TECRL: variants seen among roughly 807,000 people sequenced by gnomAD.
TECRL encodes the protein trans-2,3-enoyl-CoA reductase-like.
TECRL carries 63 observed loss-of-function variants against 52.8 expected under a neutral mutation model. The observed-to-expected ratio is 1.19, with a 90% CI of 0.97 to 1.47. The LOEUF (loss-of-function observed/expected upper bound fraction) is 1.47, where lower values mean the gene tolerates loss of function less well. TECRL is among the 40% of genes most tolerant of loss of function. The pLI is 0.00. For missense variants in TECRL, 482 were observed against 429.6 expected (o/e 1.12, Z -1.08); for synonymous variants, 164 against 141.9 (o/e 1.16, Z -1.10).
chr4:64,322,874 T>C, intron 3 of TECRL, 82 bp from the exon 4 acceptor site: 1 of 981,534 alleles, frequency 1.0e-6, no homozygotes, highest in South Asian at 1.9e-5. Context: ...GTAAAATCAG[T>C]AAAAGCTAAA....
intron 2 of TECRL, among the ~76,000 whole-genome samples, chr4:64,340,056 GAT>G (rs1719443234): frequency 1.3e-5 from 2 of 152,144 alleles, no homozygotes; most frequent in African/African-American, 4.8e-5. Flanking sequence ...TCTATACAGA[GAT>G]AATTTTCCTG....
At chr4:64,348,068 C>G (rs1019716147) in intron 2 of TECRL, among the ~76,000 whole-genome samples, 12 of 152,110 alleles carry the variant, frequency 7.9e-5, no homozygotes, top group African/African-American at 2.9e-4. Flanking sequence ...CAGTGCCCCA[C>G]TCCGGGTACC....
At chr4:64,371,383 CAATT>C (rs1309910016) in intron 2 of TECRL, among the ~76,000 whole-genome samples, 7 of 150,542 alleles carry the variant, frequency 4.6e-5, no homozygotes, top group South Asian at 2.1e-4. Flanking sequence ...TTATAATAAA[CAATT>C]AAATAATAAA....
At chr4:64,409,061 T>C (rs1296694142) in intron 1 of TECRL, 57 bp downstream of exon 1, 2 of 1,367,148 alleles carry the variant, frequency 1.5e-6, no homozygotes, top group East Asian at 5.0e-5. Flanking sequence ...CAATAATATT[T>C]GGGGCAGAGA....
intron 1 of TECRL, among the ~76,000 whole-genome samples, chr4:64,394,739 G>A (rs1291088814): frequency 6.6e-6 from 1 of 151,944 alleles, no homozygotes. Flanking sequence ...AAATTTATTG[G>A]GCATTTACTG....
chr4:64,402,860 A>G (rs182897932), intron 1 of TECRL, among the ~76,000 whole-genome samples: 3 of 152,152 alleles, frequency 2.0e-5, no homozygotes, highest in Admixed American at 2.0e-4. Context: ...TTATCTCCCA[A>G]TCTCCCATTG....
In TECRL at chr4:64,314,636, T is replaced by C; in HGVS notation, c.551+12A>G. 1 of 1,130,482 alleles carries C rather than the reference T, an allele frequency of 8.8e-7. No individual in the cohort carries two copies. The highest frequency in any genetic ancestry group is 1.3e-6 in the Non-Finnish European group (1 of 745,870). The allele number at this position is 1,130,482 out of a possible 1,614,324, so 70.0% of individuals were successfully genotyped here. ...GTGTGTGTGTGTGTGTGTGTGTGTG[T>C]GTATCACTTACTGTACCACTGGGTG... On this transcript the variant is annotated intron_variant, in intron 5 of 11. Transcript: ENST00000381210.
chr4:64,387,783 T>C (rs1244812616), intron 1 of TECRL, among the ~76,000 whole-genome samples: 1 of 152,046 alleles, frequency 6.6e-6, no homozygotes, highest in Non-Finnish European at 1.5e-5. Context: ...TAAAACTATG[T>C]GATTTGTTTT....
intron 4 of TECRL, among the ~76,000 whole-genome samples, chr4:64,315,228 T>C (rs187518598): frequency 4.1e-4 from 62 of 152,244 alleles, no homozygotes; most frequent in African/African-American, 1.4e-3. Context: ...TTGACTCTAA[T>C]TCAAATGGAA....
intron 4 of TECRL, among the ~76,000 whole-genome samples, chr4:64,318,035 T>C (rs180862510): frequency 1.4e-3 from 215 of 152,262 alleles, no homozygotes; most frequent in African/African-American, 5.0e-3. Context: ...ATTGATTTGA[T>C]CAAGATGACT....
chr4:64,314,556 C>T, intron 5 of TECRL, 92 bp downstream of exon 5: 2 of 922,298 alleles, frequency 2.2e-6, no homozygotes, highest in East Asian at 5.0e-5. Flanking sequence ...AATATTTTAC[C>T]TGCTTACTAG....
chr4:64,318,967 G>C (rs1717698005), intron 4 of TECRL, among the ~76,000 whole-genome samples: 1 of 151,804 alleles, frequency 6.6e-6, no homozygotes, highest in Non-Finnish European at 1.5e-5. Context: ...AAATTATATT[G>C]TACCAAAACC....
intron 2 of TECRL, among the ~76,000 whole-genome samples, chr4:64,329,985 ATTTACTGTACAGTAAAATAGTACTAT>A (rs1221212484): frequency 1.3e-5 from 2 of 151,654 alleles, no homozygotes; most frequent in Non-Finnish European, 2.9e-5. Context: ...TTACTGTACT[ATTTACTGTACAGTAAAATAGTACTAT>A]TTTACTGTAC....
At chr4:64,354,381 A>C (rs1371851941) in intron 2 of TECRL, among the ~76,000 whole-genome samples, 2 of 152,210 alleles carry the variant, frequency 1.3e-5, no homozygotes, top group Admixed American at 1.3e-4. Flanking sequence ...GATGGTAAGT[A>C]ATATAAGAGA....
intron 8 of TECRL, among the ~76,000 whole-genome samples, chr4:64,294,003 T>C (rs1413490418): frequency 1.3e-5 from 2 of 150,346 alleles, no homozygotes; most frequent in Non-Finnish European, 3.0e-5. Flanking sequence ...ATATATTTTT[T>C]GGAGACGGAA....
intron 2 of TECRL, among the ~76,000 whole-genome samples, chr4:64,371,471 C>T (rs1430989085): frequency 6.6e-6 from 1 of 151,270 alleles, no homozygotes; most frequent in Admixed American, 6.6e-5. Flanking sequence ...GTGGTATTTC[C>T]GAATCTCTGT....
At chr4:64,355,919 T>C (rs1313975939) in intron 2 of TECRL, among the ~76,000 whole-genome samples, 1 of 152,112 alleles carries the variant, frequency 6.6e-6, no homozygotes, top group Non-Finnish European at 1.5e-5. Context: ...ACTGTGTCTA[T>C]GTAGAAAGGA....
intron 5 of TECRL, among the ~76,000 whole-genome samples, chr4:64,313,686 T>A (rs533831330): frequency 6.7e-6 from 1 of 150,126 alleles, no homozygotes; most frequent in East Asian, 2.0e-4. Context: ...TTTCACCGTG[T>A]TAGCCAGGAT....
intron 8 of TECRL, among the ~76,000 whole-genome samples, chr4:64,295,338 A>C (rs1369991008): frequency 2.1e-5 from 3 of 145,292 alleles, no homozygotes; most frequent in Non-Finnish European, 3.0e-5. Flanking sequence ...TGCATGAAAC[A>C]ATTATTTTAT....
Sources: allele counts gnomAD v4.1 joint callset (sites outside exome capture counted in the v4.1 genomes callset), GRCh38; gene constraint gnomAD v4.1.1; transcripts MANE v1.5; gene names NCBI Gene and HGNC (gene_info 2026-07-23, HGNC 2026-07-21).